Variants in ADAMTS19 observed in about 807,000 individuals in gnomAD.
The protein encoded by ADAMTS19 is A disintegrin and metalloproteinase with thrombospondin motifs 19.
ADAMTS19 carries 93 observed loss-of-function variants against 153.3 expected under a neutral mutation model. The observed-to-expected ratio is 0.61, with a 90% CI of 0.51 to 0.72. The LOEUF (loss-of-function observed/expected upper bound fraction) is 0.72. Ranked by LOEUF, ADAMTS19 falls within the 30% of genes least tolerant of loss-of-function variation. The pLI is 0.00. For synonymous variants in ADAMTS19, 600 were observed against 556.6 expected, an observed-to-expected ratio of 1.08 and a Z score of -1.10; for missense variants, 1,482 against 1,552.1, an observed-to-expected ratio of 0.95 and a Z score of 0.76.
At chr5:129,482,418 CT>C (rs1374004869) in intron 2 of ADAMTS19, among the ~76,000 whole-genome samples, 1 of 152,134 alleles carries the variant, frequency 6.6e-6, no homozygotes, top group Non-Finnish European at 1.5e-5. Context: ...TGGATTTTTG[CT>C]GTTCCATATA....
intron 21 of ADAMTS19, among the ~76,000 whole-genome samples, chr5:129,714,914 C>T (rs1756654357): frequency 6.6e-6 from 1 of 152,088 alleles, no homozygotes; most frequent in Non-Finnish European, 1.5e-5. Flanking sequence ...TCTGTGTGTC[C>T]ATTAACTAGT....
intron 21 of ADAMTS19, among the ~76,000 whole-genome samples, chr5:129,720,139 T>C (rs114673516): frequency 0.04 from 5,613 of 139,874 alleles, 335 homozygotes; most frequent in African/African-American, 0.14. Context: ...TAGGACAGTA[T>C]GTGTGTATGT....
chr5:129,608,361 A>G (rs1269525104), intron 8 of ADAMTS19, among the ~76,000 whole-genome samples: 2 of 151,724 alleles, frequency 1.3e-5, no homozygotes, highest in African/African-American at 4.8e-5. Context: ...ATGGGGAGAT[A>G]CTGGTCAAAG....
chr5:129,537,871 A>G (rs1217734295), intron 6 of ADAMTS19, among the ~76,000 whole-genome samples: 1 of 152,028 alleles, frequency 6.6e-6, no homozygotes, highest in Non-Finnish European at 1.5e-5. Flanking sequence ...GCACATGTAT[A>G]TGTATGCAAA....
chr5:129,590,188 T>C (rs1397129282), intron 7 of ADAMTS19, among the ~76,000 whole-genome samples: 1 of 152,176 alleles, frequency 6.6e-6, no homozygotes, highest in African/African-American at 2.4e-5. Flanking sequence ...ACACATTTAT[T>C]TAATCAGTTA....
At chr5:129,535,481 A>G (rs953943050) in intron 6 of ADAMTS19, among the ~76,000 whole-genome samples, 2 of 152,180 alleles carry the variant, frequency 1.3e-5, no homozygotes, top group African/African-American at 2.4e-5. Flanking sequence ...AAATGGCCAT[A>G]CTGCCCAAGG....
chr5:129,695,569 A>G (rs1755516040), intron 19 of ADAMTS19, among the ~76,000 whole-genome samples: 1 of 152,154 alleles, frequency 6.6e-6, no homozygotes, highest in Non-Finnish European at 1.5e-5. Context: ...CCTGAGTATA[A>G]TTTTGGACCA....
At chr5:129,503,206 T>G (rs2126713969) in intron 2 of ADAMTS19, among the ~76,000 whole-genome samples, 1 of 152,282 alleles carries the variant, frequency 6.6e-6, no homozygotes, top group African/African-American at 2.4e-5. Flanking sequence ...ATAGGCCTCG[T>G]ATACCTTCAT....
At chr5:129,698,421 C>T (rs1469910923) in intron 19 of ADAMTS19, among the ~76,000 whole-genome samples, 3 of 152,128 alleles carry the variant, frequency 2.0e-5, no homozygotes, top group African/African-American at 4.8e-5. Flanking sequence ...CACTAAATGG[C>T]CCGATGGCAT....
intron 8 of ADAMTS19, among the ~76,000 whole-genome samples, chr5:129,612,945 A>T (rs1751307058): frequency 6.6e-6 from 1 of 152,212 alleles, no homozygotes; most frequent in African/African-American, 2.4e-5. Context: ...CAAAGAAGGC[A>T]TTACATAATG....
At chr5:129,503,578 C>T (rs1037417670) in intron 2 of ADAMTS19, among the ~76,000 whole-genome samples, 1 of 152,136 alleles carries the variant, frequency 6.6e-6, no homozygotes, top group Non-Finnish European at 1.5e-5. Flanking sequence ...ATGGCTCACG[C>T]CTGTGGTCCC....
rs371175633 is a variant in ADAMTS19, at chr5:129,548,119, A to G, written c.1329-3745A>G. On this transcript the variant is annotated intron_variant, in intron 6 of 22. Coordinates refer to ENST00000274487, the MANE Select transcript of ADAMTS19 (RefSeq NM_133638.6). Reference sequence around the variant, plus strand: ...CCATTCAGGACATAGGCATGGGCAAAGACTTCATGTCTAAAACACCAAAAG... The same window carrying G: ...CCATTCAGGACATAGGCATGGGCAAGGACTTCATGTCTAAAACACCAAAAG... Among the ~76,000 whole-genome samples, 41 of 150,670 alleles carry G rather than the reference A, an allele frequency of 2.7e-4. 1 individual carries two copies. Among genetic ancestry groups the G allele is most frequent in the South Asian group, 1.7e-3 (8 of 4,822 alleles).
intron 8 of ADAMTS19, among the ~76,000 whole-genome samples, chr5:129,596,909 G>C (rs1241697705): frequency 6.6e-6 from 1 of 152,108 alleles, no homozygotes; most frequent in African/African-American, 2.4e-5. Flanking sequence ...TCATTACATA[G>C]TGCATGATTG....
At chr5:129,641,986 T>G in intron 11 of ADAMTS19, 26 bp downstream of exon 11, 1 of 1,437,016 alleles carries the variant, frequency 7.0e-7, no homozygotes, top group South Asian at 1.2e-5. Context: ...TGTCTGAATT[T>G]AATGAGCATA....
At chr5:129,547,565 G>C (rs1377478944) in intron 6 of ADAMTS19, among the ~76,000 whole-genome samples, 2 of 150,446 alleles carry the variant, frequency 1.3e-5, no homozygotes, top group Non-Finnish European at 2.9e-5. Flanking sequence ...AAGGAAGAAA[G>C]AGAAAAAGAA....
At chr5:129,532,436 A>G (rs1264701932) in intron 6 of ADAMTS19, among the ~76,000 whole-genome samples, 1 of 152,180 alleles carries the variant, frequency 6.6e-6, no homozygotes, top group Non-Finnish European at 1.5e-5. Context: ...CTTCAGTTAT[A>G]AAAATTGAAA....
chr5:129,591,422 A>G (rs1466381125), intron 7 of ADAMTS19, among the ~76,000 whole-genome samples: 2 of 151,610 alleles, frequency 1.3e-5, no homozygotes, highest in African/African-American at 2.4e-5. Flanking sequence ...CCTCCCGAGT[A>G]GCTGGAACTA....
chr5:129,576,990 G>A (rs1025320116), intron 7 of ADAMTS19, among the ~76,000 whole-genome samples: 4 of 152,102 alleles, frequency 2.6e-5, no homozygotes, highest in Admixed American at 2.6e-4. Context: ...GGCAGTCGGA[G>A]TCAACGTGGG....
intron 7 of ADAMTS19, among the ~76,000 whole-genome samples, chr5:129,593,339 G>A (rs888067820): frequency 1.3e-5 from 2 of 152,058 alleles, no homozygotes; most frequent in African/African-American, 4.8e-5. Context: ...TATATTATTA[G>A]TTCACCCAAC....
Sources: allele counts gnomAD v4.1 joint callset (sites outside exome capture counted in the v4.1 genomes callset), GRCh38; gene constraint gnomAD v4.1.1; transcripts MANE v1.5; gene names NCBI Gene and HGNC (gene_info 2026-07-23, HGNC 2026-07-21).